Variants in OPCML observed in about 807,000 individuals in gnomAD.
OPCML encodes the protein opioid binding protein/cell adhesion molecule like.
Under a neutral mutation model 37.8 loss-of-function variants are expected in OPCML, and 13 were observed. The observed-to-expected ratio is 0.34, with a 90% CI of 0.22 to 0.55. The LOEUF is 0.55. Among genes scored for constraint, OPCML ranks in the 20% least tolerant of loss-of-function variants. OPCML has a pLI of 0.91. For missense variants in OPCML, 341 were observed against 435.6 expected (o/e 0.78, Z 1.93); for synonymous variants, 176 against 168.8 (o/e 1.04, Z -0.33).
At chr11:132,970,938 C>T (rs919140794) in intron 1 of OPCML, among the ~76,000 whole-genome samples, 4 of 152,136 alleles carry the variant, frequency 2.6e-5, no homozygotes, top group Non-Finnish European at 5.9e-5. Context: ...AGGTTCTTGC[C>T]AATTAAACTG....
At chr11:133,061,801 C>T (rs1000092138) in intron 1 of OPCML, among the ~76,000 whole-genome samples, 33 of 151,752 alleles carry the variant, frequency 2.2e-4, no homozygotes, top group Non-Finnish European at 7.4e-5. Context: ...AAAACTTTTC[C>T]GCAAGTCAGA....
At chr11:132,589,367 A>G (rs1431301109) in intron 3 of OPCML, among the ~76,000 whole-genome samples, 1 of 152,198 alleles carries the variant, frequency 6.6e-6, no homozygotes. Flanking sequence ...TTTTTCATTC[A>G]ACAAATGTTT....
chr11:133,051,142 GCA>G (rs774073360), intron 1 of OPCML, among the ~76,000 whole-genome samples: 2 of 151,770 alleles, frequency 1.3e-5, no homozygotes, highest in Non-Finnish European at 2.9e-5. Flanking sequence ...CTTCTCCCAT[GCA>G]CACTCAGACT....
chr11:132,733,843 G>A (rs903983225), intron 2 of OPCML, among the ~76,000 whole-genome samples: 4 of 152,242 alleles, frequency 2.6e-5, no homozygotes, highest in Admixed American at 1.3e-4. Context: ...AACAGGACTA[G>A]GAATCTCTAA....
intron 1 of OPCML, among the ~76,000 whole-genome samples, chr11:133,239,996 GA>G (rs989707550): frequency 6.6e-6 from 1 of 151,884 alleles, no homozygotes; most frequent in Non-Finnish European, 1.5e-5. Flanking sequence ...GCCCTAGAGG[GA>G]AAAAAATTTT....
intron 1 of OPCML, among the ~76,000 whole-genome samples, chr11:132,952,782 G>A (rs569047975): frequency 1.6e-4 from 24 of 152,256 alleles, no homozygotes; most frequent in South Asian, 1.5e-3. Context: ...CTGTGAGCGC[G>A]GTGATGCATG....
intron 1 of OPCML, among the ~76,000 whole-genome samples, chr11:133,214,875 T>G (rs2136348706): frequency 6.6e-6 from 1 of 152,274 alleles, no homozygotes; most frequent in Admixed American, 6.5e-5. Context: ...CACATTACAC[T>G]TACTTACGAA....
chr11:133,314,031 C>G (rs553813962), intron 1 of OPCML, among the ~76,000 whole-genome samples: 1 of 151,342 alleles, frequency 6.6e-6, no homozygotes, highest in African/African-American at 2.4e-5. Flanking sequence ...GTCAGGAGAT[C>G]GAGACCATCC....
chr11:133,380,374 TA>T (rs1231716301), intron 1 of OPCML, among the ~76,000 whole-genome samples: 3 of 151,232 alleles, frequency 2.0e-5, no homozygotes, highest in Non-Finnish European at 3.0e-5. Context: ...AATTCACATT[TA>T]AAAAAATTTT....
At chr11:133,007,581 A>G in intron 1 of OPCML, 1 of 985,482 alleles carries the variant, frequency 1.0e-6, no homozygotes, top group Non-Finnish European at 1.2e-6. Context: ...GTAAAACTTA[A>G]AACTCTAGAA....
intron 1 of OPCML, among the ~76,000 whole-genome samples, chr11:133,487,708 A>G (rs1947558684): frequency 1.3e-5 from 2 of 152,258 alleles, no homozygotes; most frequent in East Asian, 1.9e-4. Flanking sequence ...TAGATCCTAA[A>G]TAGATATTTA....
intron 2 of OPCML, among the ~76,000 whole-genome samples, chr11:132,851,503 C>T (rs374455874): frequency 6.6e-6 from 1 of 152,202 alleles, no homozygotes; most frequent in East Asian, 1.9e-4. Flanking sequence ...CCCTGCCTTG[C>T]CCCTCACAGT....
rs1418174352 is a variant in OPCML at position 132,418,287 on chromosome 11, T to C, written c.*1906A>G. 6.6e-6 allele frequency: 1 copy of C among 152,226 alleles called. No homozygotes were observed. Among genetic ancestry groups the C allele is most frequent in the Non-Finnish European group, 1.5e-5 (1 of 68,044 alleles). The allele number at this position is 152,226 out of a possible 1,614,324, so 9.4% of individuals were successfully genotyped here. A position where few individuals can be genotyped will look rare whatever the true frequency, so the allele number is the denominator to read the frequency against. On this transcript the variant is annotated 3_prime_UTR_variant, in exon 8 of 8. Transcript: ENST00000524381. ...TGATGCTGCATTCTCATCCTCTCTGTGGATCAGTCCCTGCAGCACACCTGT... is the reference window on the plus strand; with the variant it reads ...TGATGCTGCATTCTCATCCTCTCTGCGGATCAGTCCCTGCAGCACACCTGT...
intron 1 of OPCML, among the ~76,000 whole-genome samples, chr11:133,408,601 C>T (rs893565473): frequency 1.2e-4 from 19 of 152,168 alleles, no homozygotes; most frequent in Non-Finnish European, 2.4e-4. Flanking sequence ...GGGAGTCAGT[C>T]CTGGACACGA....
chr11:132,968,233 C>G (rs1279893058), intron 1 of OPCML, among the ~76,000 whole-genome samples: 3 of 152,148 alleles, frequency 2.0e-5, no homozygotes, highest in Non-Finnish European at 4.4e-5. Flanking sequence ...CATGTTTACT[C>G]TCTTAGTCTG....
chr11:133,361,375 G>A (rs1944412807), intron 1 of OPCML: 1 of 152,486 alleles, frequency 6.6e-6, no homozygotes, highest in Non-Finnish European at 1.5e-5. Flanking sequence ...AGGAAGGCTG[G>A]GGCCAGCCCA....
At chr11:133,014,710 T>C (rs939402722) in intron 1 of OPCML, among the ~76,000 whole-genome samples, 6 of 152,236 alleles carry the variant, frequency 3.9e-5, no homozygotes, top group African/African-American at 1.4e-4. Flanking sequence ...GAACAACATG[T>C]GGCCCAGCAG....
chr11:132,710,188 A>T (rs1944204640), intron 2 of OPCML, among the ~76,000 whole-genome samples: 1 of 152,242 alleles, frequency 6.6e-6, no homozygotes, highest in African/African-American at 2.4e-5. Flanking sequence ...GAGCAAATTT[A>T]AGTGGACTAG....
chr11:132,633,757 G>C (rs936102361), intron 3 of OPCML, among the ~76,000 whole-genome samples: 10 of 152,308 alleles, frequency 6.6e-5, no homozygotes, highest in African/African-American at 2.4e-4. Context: ...GGGAAAGTAA[G>C]GGAGGGTGCC....
Sources: allele counts gnomAD v4.1 joint callset (sites outside exome capture counted in the v4.1 genomes callset), GRCh38; gene constraint gnomAD v4.1.1; transcripts MANE v1.5; gene names NCBI Gene and HGNC (gene_info 2026-07-23, HGNC 2026-07-21).